The following NECAB2 variants were observed in gnomAD, a reference collection of about 807,000 sequenced individuals.
The protein encoded by NECAB2 is N-terminal EF-hand calcium binding protein 2, also known as N-terminal EF-hand calcium-binding protein 2.
A neutral mutation model predicts 51.9 loss-of-function variants in NECAB2; 68 were observed. The ratio of observed to expected loss-of-function variants is 1.31; its 90% CI spans 1.08 to 1.60. The LOEUF (loss-of-function observed/expected upper bound fraction) is 1.60. Ranked by LOEUF, NECAB2 falls within the 40% of genes most tolerant of loss-of-function variation. The pLI is 0.00. For synonymous variants in NECAB2, 329 were observed against 203.5 expected, an observed-to-expected ratio of 1.62 and a Z score of -5.25; for missense variants, 854 against 490.3, an observed-to-expected ratio of 1.74 and a Z score of -7.00.
At chr16:83,971,379 T>A (rs1164683315) in intron 1 of NECAB2, 1 of 152,082 alleles carries the variant, frequency 6.6e-6, no homozygotes, top group South Asian at 2.1e-4. Context: ...CTCCAGGCGA[T>A]GGTGTTGGAA....
At chr16:83,965,255 A>T (rs775460960), upstream of NECAB2, 1 of 1,611,248 alleles carries the variant, frequency 6.2e-7, no homozygotes. Context: ...CTTCCTGACC[A>T]GGAACCAGGC....
chr16:83,997,245 G>C lies in NECAB2; in HGVS notation c.825G>C (p.Leu275=). Residue 275 remains leucine, a synonymous_variant, in exon 9 of 13, where the codon CTG becomes CTC. Coordinates refer to ENST00000305202, the MANE Select transcript of NECAB2 (RefSeq NM_019065.3). ...KALWFDLQQR[L]SDEDGTNMHL... is the part of the protein sequence containing the mutation. ...TGTGGTTCGACCTGCAGCAGCGCCT[G>C]TCAGATGAAGATGGCACCAACATGG... The C allele has an allele frequency of 6.2e-7, 1 of 1,614,162 alleles. No individual in the cohort carries two copies. Among genetic ancestry groups the C allele is most frequent in the Admixed American group, 1.7e-5 (1 of 60,014 alleles).
intron 6 of NECAB2, among the ~76,000 whole-genome samples, chr16:83,991,209 C>G (rs1358873286): frequency 1.3e-5 from 2 of 151,464 alleles, no homozygotes; most frequent in Non-Finnish European, 2.9e-5. Flanking sequence ...TCTTGAACTC[C>G]TGGCCTCACG....
At chr16:83,983,810 T>C (rs1226705991) in intron 5 of NECAB2, among the ~76,000 whole-genome samples, 1 of 152,198 alleles carries the variant, frequency 6.6e-6, no homozygotes, top group Non-Finnish European at 1.5e-5. Context: ...TTGAATGTGT[T>C]CTGTGTATGA....
chr16:83,998,247 C>G lies in NECAB2; in HGVS notation c.892C>G (p.Gln298Glu), dbSNP rs779950159. Residue 298 changes from glutamine to glutamate, a missense_variant, in exon 10 of 13, where the codon CAA becomes GAA. Physicochemically the swap from Gln to Glu is conservative, Grantham distance 29. Transcript: ENST00000305202. The part of the protein sequence containing the change: ...VRQEMAVCPE[Q>E]LSEFLDSLRQ... ...GCAGGAGATGGCCGTGTGCCCCGAGCAACTGAGCGAGTTTCTGGACTCTCT... is the reference window on the plus strand; with the variant it reads ...GCAGGAGATGGCCGTGTGCCCCGAGGAACTGAGCGAGTTTCTGGACTCTCT... 3 of 1,612,778 alleles carry G rather than the reference C, an allele frequency of 1.9e-6. No individual in the cohort carries two copies. The highest frequency in any genetic ancestry group is 1.7e-5 in the Admixed American group (1 of 60,020).
intron 11 of NECAB2, 100 bp downstream of exon 11, chr16:84,000,901 G>A (rs538086643): frequency 2.5e-6 from 3 of 1,204,030 alleles, no homozygotes; most frequent in Non-Finnish European, 3.6e-6. Flanking sequence ...GTAAGGCCGA[G>A]TCCAGTCAGC....
intron 5 of NECAB2, among the ~76,000 whole-genome samples, chr16:83,989,712 C>T (rs1479440552): frequency 4.6e-5 from 7 of 152,140 alleles, no homozygotes; most frequent in Non-Finnish European, 1.0e-4. Flanking sequence ...TCTTTGCAGC[C>T]CAAAGCATCT....
chr16:83,994,247 G>A, intron 6 of NECAB2, 55 bp from the exon 7 acceptor site: 1 of 1,522,094 alleles, frequency 6.6e-7, no homozygotes, highest in Non-Finnish European at 9.1e-7. Context: ...GCTGGAAGTG[G>A]TAAGGGCCCT....
chr16:83,975,972 A>C (rs922257839), intron 2 of NECAB2, among the ~76,000 whole-genome samples: 1 of 152,228 alleles, frequency 6.6e-6, no homozygotes, highest in Admixed American at 6.5e-5. Context: ...TGTCAGCCGA[A>C]AGCTTAGTGA....
At chr16:83,982,471 C>T (rs1161345803) in intron 5 of NECAB2, among the ~76,000 whole-genome samples, 1 of 152,190 alleles carries the variant, frequency 6.6e-6, no homozygotes, top group Admixed American at 6.5e-5. Flanking sequence ...AGATCCCAGG[C>T]TTCCGAGTCA....
intron 6 of NECAB2, 92 bp from the exon 7 acceptor site, chr16:83,994,210 C>G: frequency 1.7e-6 from 2 of 1,161,836 alleles, no homozygotes; most frequent in Non-Finnish European, 2.6e-6. Flanking sequence ...AGTCCACTGT[C>G]TTGCGTAATA....
chr16:84,000,831 G>T (rs745870305), intron 11 of NECAB2, 30 bp downstream of exon 11: 2 of 1,403,478 alleles, frequency 1.4e-6, no homozygotes, highest in Non-Finnish European at 2.0e-6. Context: ...CAGCAGGTGA[G>T]GGAGACAGAG....
At chr16:83,996,840 C>A (rs902173272) in intron 8 of NECAB2, among the ~76,000 whole-genome samples, 4 of 152,136 alleles carry the variant, frequency 2.6e-5, no homozygotes, top group Admixed American at 2.0e-4. Flanking sequence ...AGCTTAGAGT[C>A]TGGGGAAGAC....
At chr16:83,967,697 T>TGGATGGAC (rs1318787937), upstream of NECAB2, among the ~76,000 whole-genome samples, 1 of 113,308 alleles carries the variant, frequency 8.8e-6, no homozygotes, top group African/African-American at 3.9e-5. Flanking sequence ...GGCGGGCAGA[T>TGGATGGAC]GGATGGACGG....
intron 8 of NECAB2, among the ~76,000 whole-genome samples, chr16:83,996,276 C>T (rs1422180428): frequency 2.6e-5 from 4 of 152,236 alleles, no homozygotes; most frequent in East Asian, 3.8e-4. Context: ...TCCTGCCAGG[C>T]ACACCTTCAC....
At position 83,978,098 on chromosome 16, in the gene NECAB2, G is replaced by A. The variant is rs552996551; in HGVS notation, c.227-346G>A. On this transcript the variant is annotated intron_variant, in intron 2 of 12. Coordinates refer to ENST00000305202, the MANE Select transcript of NECAB2 (RefSeq NM_019065.3). ...GATACTCTATATTTGTTGAACGCAT[G>A]GAAAATGTTGAGTGCATGGTGAGCC... is the stretch of plus-strand genomic sequence containing the variant. Among the ~76,000 whole-genome samples, 68 of 152,324 alleles carry A rather than the reference G, an allele frequency of 4.5e-4. 1 individual carries two copies. In the South Asian group the frequency reaches 0.013, roughly 30 times the overall value.
chr16:83,969,106 G>A (rs1033945226), intron 1 of NECAB2, among the ~76,000 whole-genome samples: 1 of 151,168 alleles, frequency 6.6e-6, no homozygotes, highest in African/African-American at 2.4e-5. Context: ...GTCCCTGCCT[G>A]CCCACAGTGG....
intron 11 of NECAB2, 56 bp downstream of exon 11, chr16:84,000,857 G>GTCTTCC: frequency 6.4e-7 from 1 of 1,567,186 alleles, no homozygotes; most frequent in South Asian, 1.1e-5. Flanking sequence ...TGGGGGGGCT[G>GTCTTCC]TCTTCCTGGA....
At chr16:83,998,666 C>T (rs1369155179) in intron 10 of NECAB2, among the ~76,000 whole-genome samples, 1 of 152,210 alleles carries the variant, frequency 6.6e-6, no homozygotes, top group Non-Finnish European at 1.5e-5. Context: ...CTCAGTCAGC[C>T]TCAGCTGCTG....
Sources: gnomAD v4.1 joint callset for allele counts (sites outside exome capture counted in the v4.1 genomes callset) on GRCh38, gnomAD v4.1.1 for gene constraint, MANE v1.5 for transcripts, NCBI Gene and HGNC (gene_info 2026-07-23, HGNC 2026-07-21) for gene names.